Variants in LGR6 observed in about 807,000 individuals in gnomAD.
The protein encoded by LGR6 is leucine rich repeat containing G protein-coupled receptor 6.
Under a neutral mutation model 69.4 loss-of-function variants are expected in LGR6, and 45 were observed. That is an observed-to-expected ratio of 0.65 (90% CI 0.51 to 0.83). The LOEUF (loss-of-function observed/expected upper bound fraction) is 0.83, where lower values mean the gene tolerates loss of function less well. LGR6 is among the 40% of genes least tolerant of loss of function. The probability of loss-of-function intolerance (pLI) is 0.00; values close to 1 mark genes in which losing one functional copy is unlikely to be tolerated. For synonymous variants in LGR6, 538 were observed against 555.0 expected, an observed-to-expected ratio of 0.97 and a Z score of 0.43; for missense variants, 1,108 against 1,246.7, an observed-to-expected ratio of 0.89 and a Z score of 1.68.
intron 2 of LGR6, among the ~76,000 whole-genome samples, chr1:202,227,561 AG>A (rs1660655180): frequency 6.6e-6 from 1 of 152,114 alleles, no homozygotes; most frequent in South Asian, 2.1e-4. Context: ...AGCAGTTGAG[AG>A]CAGGCGGTGG....
At chr1:202,290,005 C>A (rs1666677509) in intron 6 of LGR6, among the ~76,000 whole-genome samples, 1 of 152,296 alleles carries the variant, frequency 6.6e-6, no homozygotes, top group Admixed American at 6.5e-5. Flanking sequence ...ATTCATCTTT[C>A]TTAATTGCTA....
chr1:202,215,299 C>G (rs1659702940), intron 1 of LGR6, among the ~76,000 whole-genome samples: 1 of 152,196 alleles, frequency 6.6e-6, no homozygotes, highest in Admixed American at 6.5e-5. Flanking sequence ...CCTAGTTCTT[C>G]CCACCTGCAT....
At chr1:202,231,287 C>T (rs1053742539) in intron 3 of LGR6, among the ~76,000 whole-genome samples, 2 of 152,140 alleles carry the variant, frequency 1.3e-5, no homozygotes, top group Non-Finnish European at 2.9e-5. Flanking sequence ...AGCCTGGGCT[C>T]CATTAGTGTC....
Position 202,314,794 on chromosome 1 carries a change from C to T in LGR6, c.1568-8C>T. 1 of 1,611,666 alleles carries T rather than the reference C, an allele frequency of 6.2e-7. No individual in the cohort carries two copies. The highest frequency in any genetic ancestry group is 8.5e-7 in the Non-Finnish European group (1 of 1,177,798). On this transcript the variant is annotated splice_region_variant and splice_polypyrimidine_tract_variant and intron_variant, in intron 16 of 17. Coordinates refer to ENST00000367278, the MANE Select transcript of LGR6 (RefSeq NM_001017403.2). ...CAGGACCCTGCATCACTTTGTCTCT[C>T]CTTTCAGATGACCAGGACCTGGATG...
intron 1 of LGR6, chr1:202,194,699 T>TGGGGCC: frequency 1.1e-5 from 1 of 94,696 alleles, no homozygotes; most frequent in Non-Finnish European, 2.0e-5. Context: ...GTGGCCTTCG[T>TGGGGCC]GGGGGCGGGG....
At chr1:202,296,503 C>G (rs141342418) in intron 6 of LGR6, among the ~76,000 whole-genome samples, 15 of 152,334 alleles carry the variant, frequency 9.8e-5, no homozygotes, top group Non-Finnish European at 1.6e-4. Context: ...CAATGCTCAC[C>G]TCTTTCCCCG....
At chr1:202,283,772 G>A (rs892250487) in intron 6 of LGR6, among the ~76,000 whole-genome samples, 7 of 152,194 alleles carry the variant, frequency 4.6e-5, no homozygotes, top group East Asian at 1.9e-4. Flanking sequence ...CTCACTCCAC[G>A]TAGGCAGCCC....
intron 2 of LGR6, among the ~76,000 whole-genome samples, chr1:202,226,560 A>T (rs1200213340): frequency 6.6e-6 from 1 of 151,588 alleles, no homozygotes; most frequent in African/African-American, 2.4e-5. Flanking sequence ...TGGAGTTTTG[A>T]CCCCCAGGGC....
chr1:202,287,622 C>T (rs1299646068), intron 6 of LGR6, among the ~76,000 whole-genome samples: 1 of 152,202 alleles, frequency 6.6e-6, no homozygotes. Flanking sequence ...GAACCCATCC[C>T]ACCAGAAGTC....
chr1:202,248,567 G>A (rs1662953970), intron 4 of LGR6, among the ~76,000 whole-genome samples: 1 of 152,190 alleles, frequency 6.6e-6, no homozygotes, highest in South Asian at 2.1e-4. Context: ...GGCCTGGTCT[G>A]GAGGACTTTG....
chr1:202,226,954 G>T (rs1660601759), intron 2 of LGR6, among the ~76,000 whole-genome samples: 1 of 152,186 alleles, frequency 6.6e-6, no homozygotes, highest in African/African-American at 2.4e-5. Context: ...TCAGGCAGGT[G>T]ACATTGGACA....
Position 202,214,167 on chromosome 1 carries a change from G to A in LGR6, c.213-11256G>A, listed in dbSNP as rs751091875. 5.9e-6 allele frequency: 9 copies of A among 1,525,614 alleles called. No individual in the cohort carries two copies. The East Asian group carries it at 1.1e-4, about 18-fold the overall frequency. The allele number at this position is 1,525,614 out of a possible 1,614,324, so 94.5% of individuals were successfully genotyped here. On this transcript the variant is annotated intron_variant, in intron 1 of 17. Transcript: ENST00000367278. ...CCCAGGGGCCGGAATGCGCTTGGAGGGAGAGGGCCGCTCAGCGAGGGCGGG... is the reference window on the plus strand; with the variant it reads ...CCCAGGGGCCGGAATGCGCTTGGAGAGAGAGGGCCGCTCAGCGAGGGCGGG...
chr1:202,314,893 G>A lies in LGR6; in HGVS notation c.1648+11G>A. On this transcript the variant is annotated intron_variant, in intron 17 of 17. Coordinates refer to ENST00000367278, the MANE Select transcript of LGR6 (RefSeq NM_001017403.2). ...GTAGCCCTACTCCAGGTGAGGTGGTGTCTGGGGAATGGGGACGAGGGGGAA... is the reference window on the plus strand; with the variant it reads ...GTAGCCCTACTCCAGGTGAGGTGGTATCTGGGGAATGGGGACGAGGGGGAA... The A allele has an allele frequency of 1.2e-6, 2 of 1,607,888 alleles. No individual in the cohort carries two copies. The highest frequency in any genetic ancestry group is 2.2e-5 in the East Asian group (1 of 44,864).
chr1:202,289,568 T>G (rs1184480186), intron 6 of LGR6, among the ~76,000 whole-genome samples: 1 of 152,212 alleles, frequency 6.6e-6, no homozygotes, highest in Non-Finnish European at 1.5e-5. Context: ...GGAGGTTGTA[T>G]CTGTGTCTCT....
At chr1:202,262,385 G>A (rs1664305531) in intron 4 of LGR6, among the ~76,000 whole-genome samples, 4 of 152,120 alleles carry the variant, frequency 2.6e-5, no homozygotes, top group Admixed American at 6.6e-5. Context: ...GTTTGTCAAA[G>A]ATCAGATAGT....
chr1:202,239,344 G>GGTGT (rs36157781), intron 4 of LGR6, among the ~76,000 whole-genome samples: 2,213 of 144,190 alleles, frequency 0.015, 35 homozygotes, highest in Admixed American at 0.046. Flanking sequence ...GTGTGTGTGT[G>GGTGT]GTGTGTGTGT....
At chr1:202,254,923 G>C (rs1663640156) in intron 4 of LGR6, among the ~76,000 whole-genome samples, 1 of 151,994 alleles carries the variant, frequency 6.6e-6, no homozygotes, top group South Asian at 2.1e-4. Context: ...AAAGGAAAGA[G>C]AAAAGAGTTG....
intron 7 of LGR6, among the ~76,000 whole-genome samples, chr1:202,299,806 C>A (rs113439086): frequency 1.8e-4 from 27 of 152,086 alleles, no homozygotes; most frequent in Non-Finnish European, 3.8e-4. Context: ...GACAGAGAAG[C>A]CAGAAACTTC....
intron 2 of LGR6, among the ~76,000 whole-genome samples, chr1:202,225,903 A>C (rs1660512645): frequency 6.6e-6 from 1 of 152,000 alleles, no homozygotes. Flanking sequence ...GTCCCCTCAC[A>C]TCTAGGGGTT....
Sources: gnomAD v4.1 joint callset for allele counts (sites outside exome capture counted in the v4.1 genomes callset) on GRCh38, gnomAD v4.1.1 for gene constraint, MANE v1.5 for transcripts, NCBI Gene and HGNC (gene_info 2026-07-23, HGNC 2026-07-21) for gene names.